TEX14: variants seen among roughly 807,000 people sequenced by gnomAD.
TEX14 encodes the protein inactive serine/threonine-protein kinase TEX14.
TEX14 carries 168 observed loss-of-function variants against 178.6 expected under a neutral mutation model. The observed-to-expected ratio is 0.94, with a 90% confidence interval of 0.83 to 1.07. TEX14 has a LOEUF of 1.07. Among genes scored for constraint, TEX14 ranks in the 50% least tolerant of loss-of-function variants. The pLI, the probability that TEX14 is intolerant of heterozygous loss-of-function variation, is 0.00. For missense variants in TEX14, 1,730 were observed against 1,753.6 expected (o/e 0.99, Z 0.24); for synonymous variants, 626 against 634.1 (o/e 0.99, Z 0.19).
intron 19 of TEX14, chr17:58,581,781 A>G: frequency 6.3e-7 from 1 of 1,592,146 alleles, no homozygotes; most frequent in Non-Finnish European, 8.5e-7. Flanking sequence ...TTGTAACGAA[A>G]TCCCTTTATA....
intron 1 of TEX14, among the ~76,000 whole-genome samples, chr17:58,688,939 A>G (rs2047646143): frequency 6.6e-6 from 1 of 150,908 alleles, no homozygotes; most frequent in South Asian, 2.1e-4. Flanking sequence ...CTATACATAT[A>G]TTTTTTTTTG....
chr17:58,686,937 G>C (rs1436787908), intron 1 of TEX14, among the ~76,000 whole-genome samples: 4 of 131,120 alleles, frequency 3.1e-5, no homozygotes. Flanking sequence ...GCAGGGGAGG[G>C]ATCTCAGCTC....
chr17:58,652,329 G>C (rs1022166642), intron 1 of TEX14, among the ~76,000 whole-genome samples: 3 of 152,248 alleles, frequency 2.0e-5, no homozygotes, highest in South Asian at 4.1e-4. Context: ...CAACGTCATG[G>C]GAGGGACCTA....
chr17:58,599,435 T>C lies in TEX14; in HGVS notation c.1910A>G (p.Glu637Gly). 6.2e-7 allele frequency: 1 copy of C among 1,614,186 alleles called. No homozygotes were observed. The highest frequency in any genetic ancestry group is 1.1e-5 in the South Asian group (1 of 91,084). The change falls in exon 14 of 32, where the codon GAA becomes GGA. Residue 637 changes from glutamate (E) to glycine (G), a missense_variant. Transcript: ENST00000349033. ...AGATGAAGCAGCTCCTGGAGGCTCT[T>C]CTATGTCATCTTCCAAAATCAAGCA... ...SGCLILEDDI[E>G]EPPGAASSLE...
chr17:58,559,112 A>G (rs2044217889), intron 30 of TEX14, among the ~76,000 whole-genome samples: 1 of 152,072 alleles, frequency 6.6e-6, no homozygotes, highest in South Asian at 2.1e-4. Flanking sequence ...AGAGGTTGCG[A>G]TGAGCCGAGA....
At chr17:58,660,418 T>A in intron 1 of TEX14, 2 of 409,942 alleles carry the variant, frequency 4.9e-6, no homozygotes, top group Non-Finnish European at 8.8e-6. Context: ...ATAAATAAAA[T>A]AATAATAATA....
At chr17:58,631,164 T>C (rs939548662) in intron 2 of TEX14, 2 of 984,676 alleles carry the variant, frequency 2.0e-6, no homozygotes, top group African/African-American at 3.5e-5. Context: ...AATACAAAAA[T>C]TGAAATCCCA....
At chr17:58,568,637 C>T (rs1200151826) in intron 26 of TEX14, among the ~76,000 whole-genome samples, 1 of 152,210 alleles carries the variant, frequency 6.6e-6, no homozygotes, top group Non-Finnish European at 1.5e-5. Context: ...ATCAGACCAG[C>T]TGGACAGGGC....
chr17:58,639,888 A>G (rs68139131), intron 2 of TEX14, among the ~76,000 whole-genome samples: 36,514 of 152,176 alleles, frequency 0.24, 5,299 homozygotes, highest in Middle Eastern at 0.41. Context: ...TAAGAAAAAG[A>G]ACTCTGGTTC....
intron 3 of TEX14, among the ~76,000 whole-genome samples, chr17:58,629,508 G>C (rs2046230451): frequency 6.7e-6 from 1 of 149,026 alleles, no homozygotes; most frequent in Non-Finnish European, 1.5e-5. Context: ...GATTCACTGT[G>C]TTACTGTTTC....
At chr17:58,627,937 T>TG (rs34887473) in intron 3 of TEX14, among the ~76,000 whole-genome samples, 80 of 144,548 alleles carry the variant, frequency 5.5e-4, no homozygotes, top group African/African-American at 1.9e-3. Context: ...TTTTTTTTTT[T>TG]GGGTATAGAC....
chr17:58,587,847 A>ACCCCC, intron 16 of TEX14, 49 bp downstream of exon 16: 1 of 621,342 alleles, frequency 1.6e-6, no homozygotes, highest in Non-Finnish European at 3.0e-6. Flanking sequence ...GCCAGAACCC[A>ACCCCC]CCCCCACCCC....
chr17:58,606,084 G>A (rs1438250115), intron 10 of TEX14, among the ~76,000 whole-genome samples: 1 of 152,254 alleles, frequency 6.6e-6, no homozygotes, highest in African/African-American at 2.4e-5. Context: ...GCCCTTTTGG[G>A]AATGTGTCCT....
chr17:58,592,142 C>CA (rs919922683), intron 15 of TEX14, among the ~76,000 whole-genome samples: 3 of 150,674 alleles, frequency 2.0e-5, no homozygotes, highest in Non-Finnish European at 3.0e-5. Context: ...AAATTTAAAC[C>CA]AAAAAAAATT....
At chr17:58,619,770 C>G (rs2045954913) in intron 5 of TEX14, among the ~76,000 whole-genome samples, 1 of 147,270 alleles carries the variant, frequency 6.8e-6, no homozygotes, top group African/African-American at 2.5e-5. Flanking sequence ...CGGACTCCTG[C>G]CTGGGCGACA....
chr17:58,619,712 G>A (rs1379667663), intron 5 of TEX14, among the ~76,000 whole-genome samples: 2 of 147,992 alleles, frequency 1.4e-5, no homozygotes, highest in Non-Finnish European at 3.0e-5. Flanking sequence ...TGAGGCAGGA[G>A]AATTGCTTGA....
chr17:58,613,704 A>T (rs2045803461), intron 8 of TEX14, among the ~76,000 whole-genome samples, 160 bp from the exon 9 acceptor site: 1 of 151,730 alleles, frequency 6.6e-6, no homozygotes, highest in Admixed American at 6.6e-5. Flanking sequence ...TGTATTGCCC[A>T]GTCTGGAGTG....
rs370548125 is a variant in TEX14, at chr17:58,674,225, G to A, written c.-2+17714C>T. ...AGGGAGGTGGAGGTTGCAGTGAGCC[G>A]AGATCGCACCACTGCACTCCAGCCT... On this transcript the variant is annotated intron_variant, in intron 1 of 31. Transcript: ENST00000349033. Among the ~76,000 whole-genome samples, 108 of 151,356 alleles carry A rather than the reference G, an allele frequency of 7.1e-4. 1 individual carries two copies. The highest frequency in any genetic ancestry group is 2.4e-3 in the African/African-American group (101 of 41,230).
intron 14 of TEX14, among the ~76,000 whole-genome samples, chr17:58,597,990 G>A (rs989525786): frequency 6.6e-6 from 1 of 151,974 alleles, no homozygotes; most frequent in Admixed American, 6.6e-5. Context: ...GCTACTTATG[G>A]GCAGAGTTTG....
Sources: gnomAD v4.1 joint callset for allele counts (sites outside exome capture counted in the v4.1 genomes callset) on GRCh38, gnomAD v4.1.1 for gene constraint, MANE v1.5 for transcripts, NCBI Gene and HGNC (gene_info 2026-07-23, HGNC 2026-07-21) for gene names.